The following CNTNAP2 variants were observed in gnomAD, a reference collection of about 807,000 sequenced individuals.
CNTNAP2 encodes the protein contactin associated protein 2, also known as contactin-associated protein-like 2.
In CNTNAP2, 98 loss-of-function variants were observed where a neutral mutation model predicts 155.2. That is an observed-to-expected ratio of 0.63 (90% CI 0.54 to 0.75). The LOEUF (loss-of-function observed/expected upper bound fraction) is 0.75, where lower values mean the gene tolerates loss of function less well. Among genes scored for constraint, CNTNAP2 ranks in the 30% least tolerant of loss-of-function variants. The pLI is 0.00. For synonymous variants in CNTNAP2, 651 were observed against 631.2 expected (o/e 1.03, Z -0.47); for missense variants, 1,727 against 1,688.1 (o/e 1.02, Z -0.40).
chr7:148,339,285 C>T (rs7809658), intron 21 of CNTNAP2, among the ~76,000 whole-genome samples: 39,829 of 151,418 alleles, frequency 0.26, 5,823 homozygotes, highest in African/African-American at 0.39. Flanking sequence ...CACTCTTGTG[C>T]TGTGTGTATT....
At chr7:148,192,456 A>G (rs1795213730) in intron 18 of CNTNAP2, among the ~76,000 whole-genome samples, 2 of 152,138 alleles carry the variant, frequency 1.3e-5, no homozygotes, top group African/African-American at 4.8e-5. Flanking sequence ...GAAAAACGCA[A>G]GCAAAAATAT....
rs192586565 is a variant in CNTNAP2, at chr7:147,203,672, G to C, written c.1348+71163G>C. On this transcript the variant is annotated intron_variant, in intron 8 of 23. Coordinates refer to ENST00000361727, the MANE Select transcript of CNTNAP2 (RefSeq NM_014141.6). ...TTAAAGTAAATACCTTCCAATGTTTGCTTTTGCATTAATATTACCATGGGT... is the reference window on the plus strand; with the variant it reads ...TTAAAGTAAATACCTTCCAATGTTTCCTTTTGCATTAATATTACCATGGGT... 1.3e-3 allele frequency among the ~76,000 whole-genome samples: 199 copies of C among 152,152 alleles called. 1 individual carries two copies. Among genetic ancestry groups the C allele is most frequent in the African/African-American group, 4.6e-3 (190 of 41,512 alleles).
intron 1 of CNTNAP2, among the ~76,000 whole-genome samples, chr7:146,567,898 T>G (rs1798383213): frequency 6.6e-6 from 1 of 152,174 alleles, no homozygotes. Context: ...TATTTTGTAT[T>G]TTTAGTAGAG....
At chr7:147,801,578 G>A (rs371187457) in intron 13 of CNTNAP2, among the ~76,000 whole-genome samples, 2,331 of 151,764 alleles carry the variant, frequency 0.015, 72 homozygotes, top group African/African-American at 0.053. Context: ...ATCTTGCACC[G>A]CCCTTAATCC....
chr7:148,061,964 T>C lies in CNTNAP2; in HGVS notation c.2384-56154T>C, dbSNP rs1487030732. Among the ~76,000 whole-genome samples, 56 of 110,390 alleles carry C rather than the reference T, an allele frequency of 5.1e-4. 1 individual carries two copies. Among genetic ancestry groups the C allele is most frequent in the African/African-American group, 2.4e-3 (50 of 20,980 alleles). 72.4% of individuals were successfully genotyped at this position (110,390 alleles called of 152,430 possible). A position where few individuals can be genotyped will look rare whatever the true frequency, so the allele number is the denominator to read the frequency against. ...AGATAGATAAACAGATATAGATAGATAGATAGATAGATAGATAGATAGATA... is the reference window on the plus strand; with the variant it reads ...AGATAGATAAACAGATATAGATAGACAGATAGATAGATAGATAGATAGATA... On this transcript the variant is annotated intron_variant, in intron 15 of 23. Coordinates refer to ENST00000361727, the MANE Select transcript of CNTNAP2 (RefSeq NM_014141.6).
intron 2 of CNTNAP2, among the ~76,000 whole-genome samples, chr7:146,788,938 C>A (rs1802625774): frequency 6.6e-6 from 1 of 152,046 alleles, no homozygotes; most frequent in Non-Finnish European, 1.5e-5. Flanking sequence ...GGGTGGGTGT[C>A]ACCTGAAGAC....
At chr7:148,247,879 C>A (rs1444098328) in intron 20 of CNTNAP2, among the ~76,000 whole-genome samples, 1 of 151,884 alleles carries the variant, frequency 6.6e-6, no homozygotes, top group African/African-American at 2.4e-5. Context: ...GTCTCGGACC[C>A]CTGACCTCAA....
chr7:146,436,354 A>T (rs929700726), intron 1 of CNTNAP2, among the ~76,000 whole-genome samples: 4 of 152,182 alleles, frequency 2.6e-5, no homozygotes, highest in African/African-American at 9.6e-5. Flanking sequence ...TGATGTGGCT[A>T]TATATGTTGC....
At chr7:147,678,291 T>A (rs1279404566) in intron 13 of CNTNAP2, among the ~76,000 whole-genome samples, 1 of 151,890 alleles carries the variant, frequency 6.6e-6, no homozygotes, top group Non-Finnish European at 1.5e-5. Context: ...AAAAATGTTT[T>A]GAAGAGGCAT....
intron 1 of CNTNAP2, among the ~76,000 whole-genome samples, chr7:146,231,704 A>G (rs1323017634): frequency 6.6e-6 from 1 of 152,194 alleles, no homozygotes; most frequent in Non-Finnish European, 1.5e-5. Flanking sequence ...CTGTGAGACT[A>G]CATACAGACC....
chr7:148,106,595 A>C (rs1325229823), intron 15 of CNTNAP2, among the ~76,000 whole-genome samples: 1 of 150,950 alleles, frequency 6.6e-6, no homozygotes, highest in Non-Finnish European at 1.5e-5. Context: ...TCCTGGGCTC[A>C]AGCAATCCAC....
At chr7:146,900,221 C>T (rs10500168) in intron 3 of CNTNAP2, among the ~76,000 whole-genome samples, 40,229 of 152,032 alleles carry the variant, frequency 0.26, 6,683 homozygotes, top group Non-Finnish European at 0.36. Flanking sequence ...TAGTGTTGTC[C>T]TGTAGCATAG....
intron 13 of CNTNAP2, among the ~76,000 whole-genome samples, chr7:147,855,603 A>G (rs1283319543): frequency 6.6e-6 from 1 of 152,074 alleles, no homozygotes; most frequent in African/African-American, 2.4e-5. Context: ...TCTGGCCAAC[A>G]TGGTAAAACC....
At chr7:147,378,236 C>CA in intron 9 of CNTNAP2, 1 of 268,560 alleles carries the variant, frequency 3.7e-6, no homozygotes, top group Non-Finnish European at 7.4e-6. Context: ...CACTCTGTAG[C>CA]TTTGTCTCAT....
At chr7:148,329,322 C>G (rs1797945808) in intron 21 of CNTNAP2, among the ~76,000 whole-genome samples, 1 of 152,144 alleles carries the variant, frequency 6.6e-6, no homozygotes, top group Admixed American at 6.6e-5. Context: ...AAGAAAATGC[C>G]TAGAATGAAG....
At chr7:146,539,500 A>G (rs145574679) in intron 1 of CNTNAP2, among the ~76,000 whole-genome samples, 213 of 152,184 alleles carry the variant, frequency 1.4e-3, no homozygotes, top group African/African-American at 4.8e-3. Flanking sequence ...ATATTCATTC[A>G]TGATTACCCA....
chr7:147,058,504 A>G (rs951443579), intron 4 of CNTNAP2, among the ~76,000 whole-genome samples: 4 of 152,248 alleles, frequency 2.6e-5, no homozygotes, highest in Admixed American at 2.0e-4. Flanking sequence ...TAAATAGCAT[A>G]AAGGCTGATT....
chr7:146,425,974 T>C (rs963871512), intron 1 of CNTNAP2, among the ~76,000 whole-genome samples: 2 of 150,938 alleles, frequency 1.3e-5, no homozygotes, highest in African/African-American at 4.9e-5. Flanking sequence ...TCACCTGAGG[T>C]CAGGAATTTG....
chr7:147,134,770 T>C (rs545399258), intron 8 of CNTNAP2, among the ~76,000 whole-genome samples: 1 of 152,090 alleles, frequency 6.6e-6, no homozygotes, highest in South Asian at 2.1e-4. Flanking sequence ...AGGATTCTAA[T>C]GTTTGCTTTA....
Sources: allele counts gnomAD v4.1 joint callset (sites outside exome capture counted in the v4.1 genomes callset), GRCh38; gene constraint gnomAD v4.1.1; transcripts MANE v1.5; gene names NCBI Gene and HGNC (gene_info 2026-07-23, HGNC 2026-07-21).